The following NRF1 variants were observed in gnomAD, a reference collection of about 807,000 sequenced individuals.
The protein encoded by NRF1 is nuclear respiratory factor 1, also known as alpha palindromic-binding protein.
In NRF1, 5 loss-of-function variants were observed where a neutral mutation model predicts 58.5. That is an observed-to-expected ratio of 0.09 (90% CI 0.04 to 0.18). The LOEUF is 0.18. NRF1 is among the 10% of genes least tolerant of loss of function. The pLI is 1.00. For synonymous variants in NRF1, 224 were observed against 246.7 expected, an observed-to-expected ratio of 0.91 and a Z score of 0.86; for missense variants, 288 against 657.7, an observed-to-expected ratio of 0.44 and a Z score of 6.15.
chr7:129,683,771 T>A (rs894520683), intron 4 of NRF1, among the ~76,000 whole-genome samples: 1 of 151,144 alleles, frequency 6.6e-6, no homozygotes, highest in Non-Finnish European at 1.5e-5. Context: ...TAGTTGGGAT[T>A]ACAGGCTCCT....
At chr7:129,742,971 G>T (rs891631400) in intron 10 of NRF1, among the ~76,000 whole-genome samples, 1 of 152,180 alleles carries the variant, frequency 6.6e-6, no homozygotes, top group Non-Finnish European at 1.5e-5. Flanking sequence ...TTTGAGGTTG[G>T]TCTGAACCTC....
chr7:129,638,045 A>G (rs1488498118), intron 1 of NRF1, among the ~76,000 whole-genome samples: 3 of 151,722 alleles, frequency 2.0e-5, no homozygotes, highest in African/African-American at 4.8e-5. Context: ...TGCACAGCAC[A>G]TGGAGTCTAT....
intron 10 of NRF1, among the ~76,000 whole-genome samples, chr7:129,731,764 CCGCG>C (rs1462211811): frequency 6.6e-6 from 1 of 152,086 alleles, no homozygotes; most frequent in Non-Finnish European, 1.5e-5. Context: ...CACTGCCACA[CCGCG>C]CTAATTTTTT....
chr7:129,733,951 A>T (rs932663984), intron 10 of NRF1, among the ~76,000 whole-genome samples: 1 of 152,032 alleles, frequency 6.6e-6, no homozygotes, highest in Non-Finnish European at 1.5e-5. Flanking sequence ...TGAGCCCAGG[A>T]GGTCGAGGCT....
chr7:129,754,867 A>C, intron 10 of NRF1, 151 bp from the exon 11 acceptor site: 4 of 608,124 alleles, frequency 6.6e-6, no homozygotes, highest in African/African-American at 1.9e-5. Context: ...GGGGTGGGAA[A>C]GAGATGTCTT....
intron 5 of NRF1, among the ~76,000 whole-genome samples, chr7:129,701,475 C>T (rs1802823033): frequency 6.6e-6 from 1 of 151,748 alleles, no homozygotes; most frequent in African/African-American, 2.4e-5. Flanking sequence ...TAACGCATGC[C>T]TGTAGTCCCA....
At chr7:129,728,728 G>T (rs1379167566) in intron 10 of NRF1, among the ~76,000 whole-genome samples, 1 of 152,168 alleles carries the variant, frequency 6.6e-6, no homozygotes, top group African/African-American at 2.4e-5. Flanking sequence ...AATAACATAG[G>T]AAATGCAAAG....
At chr7:129,667,551 A>C (rs985892927) in intron 2 of NRF1, among the ~76,000 whole-genome samples, 9 of 150,866 alleles carry the variant, frequency 6.0e-5, no homozygotes, top group African/African-American at 4.9e-5. Flanking sequence ...TTTGTTGCCC[A>C]CCCCCATTTA....
At chr7:129,636,735 A>G (rs1419124635) in intron 1 of NRF1, among the ~76,000 whole-genome samples, 2 of 152,106 alleles carry the variant, frequency 1.3e-5, no homozygotes, top group African/African-American at 4.8e-5. Context: ...GTCTTTTCTC[A>G]ATAGCTGATT....
At chr7:129,734,043 G>A (rs1448853881) in intron 10 of NRF1, among the ~76,000 whole-genome samples, 15 of 151,944 alleles carry the variant, frequency 9.9e-5, no homozygotes, top group African/African-American at 3.6e-4. Context: ...AAAAAAAGAT[G>A]TTAGCAAGGC....
At chr7:129,665,438 T>C (rs138667755) in intron 2 of NRF1, among the ~76,000 whole-genome samples, 2 of 152,350 alleles carry the variant, frequency 1.3e-5, no homozygotes, top group East Asian at 3.9e-4. Flanking sequence ...TTCACTATAT[T>C]GTGTTGCCTG....
rs751796177 is a variant in NRF1 at position 129,677,680 on chromosome 7, A to G, written c.387A>G (p.Gln129=). ...LDEYTTRVGQ[Q]AIVLCISPSK... is the part of the protein sequence containing the mutation. ...AATATACTACTCGTGTGGGACAGCAAGCTATTGTCCTCTGTATCTCACCCT... is the reference window on the plus strand; with the variant it reads ...AATATACTACTCGTGTGGGACAGCAGGCTATTGTCCTCTGTATCTCACCCT... The change falls in exon 4 of 11, where the codon CAA becomes CAG. Residue 129 remains glutamine, a synonymous_variant. Coordinates refer to ENST00000393232, the MANE Select transcript of NRF1 (RefSeq NM_005011.5). The G allele has an allele frequency of 6.2e-7, 1 of 1,613,852 alleles. No homozygotes were observed. Among genetic ancestry groups the G allele is most frequent in the Non-Finnish European group, 8.5e-7 (1 of 1,179,734 alleles).
chr7:129,626,937 A>G (rs1800932662), intron 1 of NRF1, among the ~76,000 whole-genome samples: 1 of 152,250 alleles, frequency 6.6e-6, no homozygotes, highest in Non-Finnish European at 1.5e-5. Flanking sequence ...TTTGCATTTG[A>G]TATAAAAGAC....
At chr7:129,706,810 C>T (rs1199366455) in intron 5 of NRF1, among the ~76,000 whole-genome samples, 1 of 152,020 alleles carries the variant, frequency 6.6e-6, no homozygotes. Flanking sequence ...TAGGGTGAGG[C>T]GTCAGAAGTG....
chr7:129,657,267 A>T (rs1044061244), intron 1 of NRF1, 79 bp from the exon 2 acceptor site: 58 of 1,078,584 alleles, frequency 5.4e-5, no homozygotes, highest in Non-Finnish European at 7.6e-5. Flanking sequence ...TCTGCTCTTG[A>T]ATAAAATATC....
chr7:129,737,914 C>A (rs1419766257), intron 10 of NRF1, among the ~76,000 whole-genome samples: 1 of 152,152 alleles, frequency 6.6e-6, no homozygotes, highest in East Asian at 1.9e-4. Flanking sequence ...AAGCAGGCAG[C>A]CCCTAAGCAA....
intron 2 of NRF1, among the ~76,000 whole-genome samples, chr7:129,666,360 A>G (rs1293641594): frequency 1.3e-5 from 2 of 152,168 alleles, no homozygotes; most frequent in Non-Finnish European, 2.9e-5. Context: ...TGATTAAACA[A>G]TATTTAGCAT....
intron 1 of NRF1, among the ~76,000 whole-genome samples, chr7:129,645,794 T>C (rs1402451605): frequency 2.0e-5 from 3 of 152,188 alleles, no homozygotes; most frequent in Non-Finnish European, 2.9e-5. Context: ...TTCCTGTCTA[T>C]GCTCCCTTCT....
chr7:129,698,066 C>T (rs1802740707), intron 5 of NRF1, among the ~76,000 whole-genome samples: 1 of 151,950 alleles, frequency 6.6e-6, no homozygotes, highest in Admixed American at 6.6e-5. Flanking sequence ...TTTACTTGCC[C>T]CAAAACTCTC....
Sources: allele counts gnomAD v4.1 joint callset (sites outside exome capture counted in the v4.1 genomes callset), GRCh38; gene constraint gnomAD v4.1.1; transcripts MANE v1.5; gene names NCBI Gene and HGNC (gene_info 2026-07-23, HGNC 2026-07-21).